The following TAFA1 variants were observed in gnomAD, a reference collection of about 807,000 sequenced individuals.
The protein encoded by TAFA1 is chemokine-like protein TAFA-1.
In TAFA1, 4 loss-of-function variants were observed where a neutral mutation model predicts 18.5. That is an observed-to-expected ratio of 0.22 (90% confidence interval 0.11 to 0.49). The LOEUF (loss-of-function observed/expected upper bound fraction) is 0.49. Ranked by LOEUF, TAFA1 falls within the 20% of genes least tolerant of loss-of-function variation. The probability of loss-of-function intolerance (pLI) is 0.98; values close to 1 mark genes in which losing one functional copy is unlikely to be tolerated. For missense variants in TAFA1, 147 were observed against 169.0 expected (o/e 0.87, Z 0.72); for synonymous variants, 56 against 55.2 (o/e 1.01, Z -0.06).
intron 2 of TAFA1, among the ~76,000 whole-genome samples, chr3:68,220,644 A>C (rs1209745320): frequency 2.0e-5 from 3 of 151,902 alleles, no homozygotes; most frequent in African/African-American, 7.3e-5. Flanking sequence ...TTCCATCACC[A>C]CCTCCAAGAT....
intron 2 of TAFA1, among the ~76,000 whole-genome samples, chr3:68,132,249 T>C (rs192194177): frequency 2.0e-5 from 3 of 152,376 alleles, no homozygotes; most frequent in East Asian, 1.9e-4. Context: ...GTGGTGTATA[T>C]GTACCACATT....
intron 2 of TAFA1, among the ~76,000 whole-genome samples, chr3:68,353,707 G>A (rs1038757525): frequency 4.6e-5 from 7 of 151,946 alleles, no homozygotes; most frequent in Non-Finnish European, 7.4e-5. Context: ...AGGTCAGTAG[G>A]GAAGGAAGAG....
chr3:68,106,161 A>G (rs1444914416), intron 2 of TAFA1, among the ~76,000 whole-genome samples: 5 of 146,830 alleles, frequency 3.4e-5, no homozygotes, highest in Non-Finnish European at 5.9e-5. Context: ...ATTCATATGC[A>G]AAAAAAAAAG....
intron 3 of TAFA1, among the ~76,000 whole-genome samples, chr3:68,431,340 C>T (rs149969561): frequency 6.4e-4 from 97 of 151,996 alleles, no homozygotes; most frequent in African/African-American, 2.2e-3. Context: ...TACCTATTGC[C>T]CTTAGCAGCC....
chr3:68,431,447 C>T (rs1438917093), intron 3 of TAFA1, among the ~76,000 whole-genome samples: 1 of 151,902 alleles, frequency 6.6e-6, no homozygotes, highest in East Asian at 1.9e-4. Context: ...CATTATGATA[C>T]CTAATCTTCA....
chr3:68,122,782 A>C (rs1447875813), intron 2 of TAFA1, among the ~76,000 whole-genome samples: 2 of 151,494 alleles, frequency 1.3e-5, no homozygotes, highest in African/African-American at 2.4e-5. Flanking sequence ...GCTTCATGTC[A>C]TTTCTGTATA....
At chr3:68,177,238 A>G (rs2066137414) in intron 2 of TAFA1, among the ~76,000 whole-genome samples, 1 of 152,224 alleles carries the variant, frequency 6.6e-6, no homozygotes, top group African/African-American at 2.4e-5. Flanking sequence ...AGTAGACACC[A>G]AGGCATGCTC....
At chr3:68,216,701 T>C (rs2066662193) in intron 2 of TAFA1, among the ~76,000 whole-genome samples, 1 of 151,986 alleles carries the variant, frequency 6.6e-6, no homozygotes, top group Non-Finnish European at 1.5e-5. Flanking sequence ...AGGAAATACA[T>C]AAGATGAGTC....
intron 2 of TAFA1, among the ~76,000 whole-genome samples, chr3:68,385,256 A>G (rs2070068906): frequency 6.6e-6 from 1 of 152,138 alleles, no homozygotes; most frequent in South Asian, 2.1e-4. Context: ...GTTGTTTCCC[A>G]TAGGTGGGAT....
intron 2 of TAFA1, among the ~76,000 whole-genome samples, chr3:68,285,266 G>C (rs2067975369): frequency 6.6e-6 from 1 of 152,130 alleles, no homozygotes; most frequent in African/African-American, 2.4e-5. Flanking sequence ...TTTACTCTGA[G>C]AGTACCTGAT....
intron 2 of TAFA1, among the ~76,000 whole-genome samples, chr3:68,079,761 G>C (rs1168031104): frequency 2.0e-5 from 3 of 152,096 alleles, no homozygotes. Flanking sequence ...AATAGGTGTG[G>C]TGTGGTGCTG....
intron 2 of TAFA1, among the ~76,000 whole-genome samples, chr3:68,356,212 C>T (rs1020208927): frequency 7.9e-5 from 12 of 151,800 alleles, no homozygotes; most frequent in Non-Finnish European, 1.3e-4. Flanking sequence ...ATTTGATATA[C>T]TGGGTGATAT....
chr3:68,236,612 A>G (rs2066930367), intron 2 of TAFA1, among the ~76,000 whole-genome samples: 1 of 151,904 alleles, frequency 6.6e-6, no homozygotes, highest in African/African-American at 2.4e-5. Context: ...TTGTTGAAAA[A>G]CTCTGTTAAC....
intron 2 of TAFA1, among the ~76,000 whole-genome samples, chr3:68,028,505 A>C (rs1704864611): frequency 6.6e-6 from 1 of 152,138 alleles, no homozygotes; most frequent in African/African-American, 2.4e-5. Flanking sequence ...AAGCAATAGA[A>C]ATTTTTTCTC....
In TAFA1 at chr3:68,508,949, T is replaced by C. The variant is rs1511892; in HGVS notation, c.260-29807T>C. 7.6e-3 allele frequency among the ~76,000 whole-genome samples: 1,154 copies of C among 151,944 alleles called. 14 individuals are homozygous for C. The highest frequency in any genetic ancestry group is 0.027 in the African/African-American group (1,102 of 41,470). On this transcript the variant is annotated intron_variant, in intron 3 of 4. Coordinates refer to ENST00000478136, the MANE Select transcript of TAFA1 (RefSeq NM_213609.4). ...AGGAAGAAGAGCAGAGGCCCAAAGA[T>C]AGCATCATGGTGTGGGTGTGTTTGA...
intron 2 of TAFA1, among the ~76,000 whole-genome samples, chr3:68,180,281 C>G (rs753829784): frequency 6.6e-6 from 1 of 151,860 alleles, no homozygotes; most frequent in Non-Finnish European, 1.5e-5. Context: ...CTCAGGTTAT[C>G]CACCTGCTTT....
chr3:68,359,640 G>C (rs141953970), intron 2 of TAFA1, among the ~76,000 whole-genome samples: 1 of 151,980 alleles, frequency 6.6e-6, no homozygotes, highest in East Asian at 1.9e-4. Context: ...CAGCCCTCCT[G>C]ACACCTTGAG....
At chr3:68,111,364 G>A (rs2065260214) in intron 2 of TAFA1, among the ~76,000 whole-genome samples, 1 of 151,866 alleles carries the variant, frequency 6.6e-6, no homozygotes, top group African/African-American at 2.4e-5. Context: ...AAAAAGGAGG[G>A]CAAAATAAAT....
chr3:68,505,963 T>A (rs1260340758), intron 3 of TAFA1, among the ~76,000 whole-genome samples: 2 of 151,938 alleles, frequency 1.3e-5, no homozygotes, highest in African/African-American at 2.4e-5. Flanking sequence ...TAGATATACA[T>A]GTGCCATGAT....
Sources: gnomAD v4.1 joint callset for allele counts (sites outside exome capture counted in the v4.1 genomes callset) on GRCh38, gnomAD v4.1.1 for gene constraint, MANE v1.5 for transcripts, NCBI Gene and HGNC (gene_info 2026-07-23, HGNC 2026-07-21) for gene names.